The following NCAN variants were observed in gnomAD, a reference collection of about 807,000 sequenced individuals.
The protein encoded by NCAN is neurocan, also known as neurocan core protein.
Under a neutral mutation model 121.8 loss-of-function variants are expected in NCAN, and 47 were observed. The observed-to-expected ratio is 0.39, with a 90% CI of 0.31 to 0.49. The LOEUF (loss-of-function observed/expected upper bound fraction) is 0.49, where lower values mean the gene tolerates loss of function less well. Ranked by LOEUF, NCAN falls within the 20% of genes least tolerant of loss-of-function variation. The pLI, the probability that NCAN is intolerant of heterozygous loss-of-function variation, is 0.92. For synonymous variants in NCAN, 633 were observed against 702.0 expected, an observed-to-expected ratio of 0.90 and a Z score of 1.55; for missense variants, 1,517 against 1,773.4, an observed-to-expected ratio of 0.86 and a Z score of 2.60.
chr19:19,226,883 C>T lies in NCAN; in HGVS notation c.1470C>T (p.Tyr490=). The change falls in exon 7 of 15, where the codon TAC becomes TAT. Residue 490 remains tyrosine, a synonymous_variant. Coordinates refer to ENST00000252575, the MANE Select transcript of NCAN (RefSeq NM_004386.3). The part of the protein sequence containing the change: ...RGRFKGLNGR[Y]FQQQEPEPGL... ...GCTTCAAAGGGTTGAATGGGCGCTA[C>T]TTCCAGCAGCAGGAACCGGAGCCGG... 13 of 1,611,214 alleles carry T rather than the reference C, an allele frequency of 8.1e-6. No individual in the cohort carries two copies. The highest frequency in any genetic ancestry group is 1.1e-5 in the Non-Finnish European group (13 of 1,178,698).
In NCAN at chr19:19,225,129, G is replaced by T; in HGVS notation, c.931G>T (p.Asp311Tyr). ...LDQCDPGWLADGSVRYPIQTP... is the reference protein window; with the variant it reads ...LDQCDPGWLAYGSVRYPIQTP... ...CCAGTGCGACCCGGGCTGGCTGGCC[G>T]ACGGCAGCGTGCGCTACCCGATCCA... Residue 311 changes from aspartate to tyrosine, a missense_variant, in exon 6 of 15, where the codon GAC becomes TAC. Asp to Tyr is a radical substitution (Grantham distance 160). Transcript: ENST00000252575. The surrounding 1 kb of genome is among the most constrained non-coding windows in gnomAD (Gnocchi z 4.0). The T allele has an allele frequency of 6.5e-7, 1 of 1,531,158 alleles. No homozygotes were observed. The highest frequency in any genetic ancestry group is 8.7e-7 in the Non-Finnish European group (1 of 1,147,958). The allele number at this position is 1,531,158 out of a possible 1,614,324, so 94.8% of individuals were successfully genotyped here.
intron 8 of NCAN, among the ~76,000 whole-genome samples, chr19:19,229,741 A>C (rs1312007239): frequency 2.6e-5 from 4 of 152,146 alleles, no homozygotes; most frequent in African/African-American, 7.2e-5. Flanking sequence ...GGTTCTGCCA[A>C]ATTAAGCTGA....
At chr19:19,230,396 C>T (rs1050325812) in intron 8 of NCAN, among the ~76,000 whole-genome samples, 1 of 113,704 alleles carries the variant, frequency 8.8e-6, no homozygotes, top group South Asian at 3.2e-4. Context: ...GCACCCCCCA[C>T]CCCCAAATTT....
At chr19:19,214,234 A>T (rs188900636) in intron 1 of NCAN, among the ~76,000 whole-genome samples, 2 of 145,682 alleles carry the variant, frequency 1.4e-5, no homozygotes, top group Non-Finnish European at 3.0e-5. Context: ...ACACTCTCTC[A>T]CACACACACA....
At position 19,234,856 on chromosome 19, in the gene NCAN, G is replaced by A. The variant is rs2060875106; in HGVS notation, c.3137-127G>A. 5 of 533,356 alleles carry A rather than the reference G, an allele frequency of 9.4e-6. No homozygotes were observed. The Admixed American group carries it at 9.8e-5, about 10-fold the overall frequency. 33.0% of individuals were successfully genotyped at this position (533,356 alleles called of 1,614,324 possible). A position where few individuals can be genotyped will look rare whatever the true frequency, so the allele number is the denominator to read the frequency against. ...AGTCATTGGGCCATCTGTGCAAACT[G>A]TGACTGCTGCACTTAGGTCCAGGAT... On this transcript the variant is annotated intron_variant, in intron 9 of 14. Transcript: ENST00000252575.
chr19:19,214,386 T>C (rs1469535043), intron 1 of NCAN, among the ~76,000 whole-genome samples: 1 of 151,610 alleles, frequency 6.6e-6, no homozygotes, highest in African/African-American at 2.4e-5. Flanking sequence ...GGGGAGGAGG[T>C]ATTTTAAGAG....
At chr19:19,231,950 A>G (rs1261211638) in intron 8 of NCAN, among the ~76,000 whole-genome samples, 1 of 151,762 alleles carries the variant, frequency 6.6e-6, no homozygotes, top group African/African-American at 2.4e-5. Context: ...ACTGCACTCC[A>G]GCCTGGGGGA....
At position 19,251,680 on chromosome 19, in the gene NCAN, A is replaced by G. The variant is rs2060946727; in HGVS notation, c.*1769A>G. 6.6e-6 allele frequency: 1 copy of G among 152,140 alleles called. No individual in the cohort carries two copies. The highest frequency in any genetic ancestry group is 2.4e-5 in the African/African-American group (1 of 41,430). The allele number at this position is 152,140 out of a possible 1,614,324, so 9.4% of individuals were successfully genotyped here. On this transcript the variant is annotated 3_prime_UTR_variant, in exon 15 of 15. Coordinates refer to ENST00000252575, the MANE Select transcript of NCAN (RefSeq NM_004386.3). Reference sequence around the variant, plus strand: ...GATTGAAATATAATTGCACCCTCATACACATTTAGGAAATGGTTAAGAAGT... The same window carrying G: ...GATTGAAATATAATTGCACCCTCATGCACATTTAGGAAATGGTTAAGAAGT...
At position 19,219,163 on chromosome 19, in the gene NCAN, C is replaced by A. The variant is rs758661303; in HGVS notation, c.322C>A (p.Gln108Lys). 3.7e-6 allele frequency: 6 copies of A among 1,613,472 alleles called. No individual in the cohort carries two copies. The highest frequency in any genetic ancestry group is 3.3e-5 in the Admixed American group (2 of 59,998). ...TGTCGTGAGGGTGGCCAAAAGCTGG[C>A]AGGGACGAGTGTCACTGCCTTCCTA... ...DNVVRVAKSW[Q>K]GRVSLPSYPR... Residue 108 changes from glutamine (Q) to lysine (K), a missense_variant, in exon 3 of 15, where the codon CAG (glutamine) becomes AAG (lysine). Transcript: ENST00000252575.
In NCAN at chr19:19,212,251, G is replaced by A. The variant is rs1255056757; in HGVS notation, c.-8+187G>A. On this transcript the variant is annotated intron_variant, in intron 1 of 14. Coordinates refer to ENST00000252575, the MANE Select transcript of NCAN (RefSeq NM_004386.3). This position sits in a 1 kb window ranked among gnomAD's most constrained non-coding sequence, Gnocchi z 4.5. ...GGGAGGGGGCTTGGGAATGCTAGGT[G>A]AACAGACATTTGGGGAGGAAGGTTG... is the stretch of plus-strand genomic sequence containing the variant. 6.6e-6 allele frequency among the ~76,000 whole-genome samples: 1 copy of A among 151,396 alleles called. No individual in the cohort carries two copies. Among genetic ancestry groups the A allele is most frequent in the Non-Finnish European group, 1.5e-5 (1 of 67,802 alleles).
chr19:19,238,769 GTAAATAAGTCTATAC>G, intron 11 of NCAN: 1 of 357,282 alleles, frequency 2.8e-6, no homozygotes. Context: ...AAATATCTAA[GTAAATAAGTCTATAC>G]TGTAATTCAA....
At chr19:19,218,479 T>G (rs573382378) in intron 2 of NCAN, among the ~76,000 whole-genome samples, 81 of 144,878 alleles carry the variant, frequency 5.6e-4, no homozygotes, top group African/African-American at 1.0e-3. Flanking sequence ...TAGTTTTTTG[T>G]TTTTTTTTTT....
intron 12 of NCAN, among the ~76,000 whole-genome samples, chr19:19,244,097 T>G (rs1039836632): frequency 1.3e-5 from 2 of 152,126 alleles, no homozygotes; most frequent in Non-Finnish European, 2.9e-5. Context: ...TATATATATT[T>G]TGCCACAATT....
At chr19:19,245,834 A>C (rs2060922536) in intron 13 of NCAN, among the ~76,000 whole-genome samples, 1 of 151,736 alleles carries the variant, frequency 6.6e-6, no homozygotes, top group African/African-American at 2.4e-5. Context: ...AGAGACAAGA[A>C]GTAGATTAGT....
rs551242807 is a variant in NCAN at position 19,216,722 on chromosome 19, G to A, written c.-7-225G>A. Among the ~76,000 whole-genome samples the A allele has an allele frequency of 1.8e-4, 27 of 152,350 alleles. No individual in the cohort carries two copies. The South Asian group carries it at 4.6e-3, about 26-fold the overall frequency. On this transcript the variant is annotated intron_variant, in intron 1 of 14. Transcript: ENST00000252575. ...CTCCCAAAGTGCTGGAACTATAGGC[G>A]TGAGCCACCGCGTCCAGCCACTGCT...
At chr19:19,245,944 G>T (rs574018279) in intron 13 of NCAN, among the ~76,000 whole-genome samples, 3 of 152,168 alleles carry the variant, frequency 2.0e-5, no homozygotes, top group Non-Finnish European at 4.4e-5. Context: ...GAAATAGGCC[G>T]CTCGGGGTGG....
Position 19,238,430 on chromosome 19 carries a change from G to A in NCAN, c.3409+19G>A, listed in dbSNP as rs199985147. ...ATTAATAGTAGGGGCTCTGGGGAGG[G>A]GGCCACCTGCCTGGAGGGTGGGCAG... is the stretch of plus-strand genomic sequence containing the variant. On this transcript the variant is annotated intron_variant, in intron 11 of 14. Transcript: ENST00000252575. 8.4e-5 allele frequency: 135 copies of A among 1,613,924 alleles called. No individual in the cohort carries two copies. Among genetic ancestry groups the A allele is most frequent in the Non-Finnish European group, 1.1e-4 (131 of 1,179,996 alleles).
At chr19:19,229,895 A>G (rs2060851837) in intron 8 of NCAN, among the ~76,000 whole-genome samples, 1 of 152,202 alleles carries the variant, frequency 6.6e-6, no homozygotes, top group African/African-American at 2.4e-5. Flanking sequence ...TGGCCAACAC[A>G]GCAAGACCCC....
intron 3 of NCAN, among the ~76,000 whole-genome samples, chr19:19,223,593 C>T (rs1345409504): frequency 1.3e-5 from 2 of 152,070 alleles, no homozygotes; most frequent in Admixed American, 6.6e-5. Flanking sequence ...CTGCCTCAGC[C>T]GCCCTAGTAG....
Sources: allele counts gnomAD v4.1 joint callset (sites outside exome capture counted in the v4.1 genomes callset), GRCh38; gene constraint gnomAD v4.1.1; non-coding constraint Gnocchi (gnomAD v3.1); transcripts MANE v1.5; gene names NCBI Gene and HGNC (gene_info 2026-07-23, HGNC 2026-07-21).